The following IQANK1 variants were observed in gnomAD, a reference collection of about 807,000 sequenced individuals.
The protein encoded by IQANK1 is IQ motif and ankyrin repeat containing 1.
In IQANK1, 30 loss-of-function variants were observed where a neutral mutation model predicts 22.6. The observed-to-expected ratio is 1.33, with a 90% CI of 0.99 to 1.80. The LOEUF (loss-of-function observed/expected upper bound fraction) is 1.80. IQANK1 is among the 40% of genes most tolerant of loss of function. IQANK1 has a pLI of 0.00. For missense variants in IQANK1, 275 were observed against 235.2 expected (o/e 1.17, Z -1.11); for synonymous variants, 122 against 99.6 (o/e 1.23, Z -1.34).
chr8:143,790,140 G>A lies in IQANK1; in HGVS notation c.1293G>A (p.Trp431Ter). 3 of 1,232,054 alleles carry A rather than the reference G, an allele frequency of 2.4e-6. No individual in the cohort carries two copies. The highest frequency in any genetic ancestry group is 2.0e-6 in the Non-Finnish European group (2 of 987,968). The allele number at this position is 1,232,054 out of a possible 1,614,324, so 76.3% of individuals were successfully genotyped here. Residue 431 changes from tryptophan (W) to a stop codon, truncating the protein, a stop_gained, in exon 13 of 14, where the codon TGG becomes TGA. Coordinates refer to ENST00000527139, the MANE Select transcript of IQANK1 (RefSeq NM_001381874.1). LOFTEE classifies it high-confidence loss of function. ...VGNRIRADGR[W>*]PLVIDPLGQA... ...GTGACCTGATGGGTGTCCCCAGGTG[G>A]CCTCTTGTTATTGACCCTTTGGGCC... is the stretch of plus-strand genomic sequence containing the variant.
At chr8:143,760,146 C>A (rs1819368388) in intron 3 of IQANK1, among the ~76,000 whole-genome samples, 1 of 152,200 alleles carries the variant, frequency 6.6e-6, no homozygotes, top group African/African-American at 2.4e-5. Context: ...GTCTGGAGCA[C>A]CCCACTGAAG....
At chr8:143,781,901 T>C (rs1478517548) in intron 7 of IQANK1, among the ~76,000 whole-genome samples, 1 of 152,228 alleles carries the variant, frequency 6.6e-6, no homozygotes, top group African/African-American at 2.4e-5. Flanking sequence ...TGTAAATTGC[T>C]TTGGGCAATA....
rs1440676527 is a variant in IQANK1 at position 143,735,009 on chromosome 8, C to T, written c.-5+790C>T. 6.6e-6 allele frequency among the ~76,000 whole-genome samples: 1 copy of T among 152,208 alleles called. No homozygotes were observed. The highest frequency in any genetic ancestry group is 1.5e-5 in the Non-Finnish European group (1 of 68,044). On this transcript the variant is annotated intron_variant, in intron 1 of 13. Coordinates refer to ENST00000527139, the MANE Select transcript of IQANK1 (RefSeq NM_001381874.1). The surrounding 1 kb of genome is among the most constrained non-coding windows in gnomAD (Gnocchi z 5.2). ...GCCACTCCCACCCCAAGGACTGGCCCTGCCTCAACCCTTTCTGATGGTCAT... is the reference window on the plus strand; with the variant it reads ...GCCACTCCCACCCCAAGGACTGGCCTTGCCTCAACCCTTTCTGATGGTCAT...
intron 7 of IQANK1, among the ~76,000 whole-genome samples, chr8:143,781,200 C>T (rs1488564273): frequency 6.6e-6 from 1 of 151,964 alleles, no homozygotes. Flanking sequence ...TGTATAAGAT[C>T]CTTATAAATG....
At chr8:143,737,838 G>A (rs994595720) in intron 2 of IQANK1, among the ~76,000 whole-genome samples, 7 of 152,204 alleles carry the variant, frequency 4.6e-5, no homozygotes, top group Admixed American at 6.5e-5. Flanking sequence ...TGGACCTGCC[G>A]CCACCGGTCC....
chr8:143,785,550 C>G (rs1554631264), intron 7 of IQANK1, among the ~76,000 whole-genome samples: 2 of 150,832 alleles, frequency 1.3e-5, no homozygotes, highest in Non-Finnish European at 1.5e-5. Flanking sequence ...GCTACCAGAC[C>G]CAGCCTTTTT....
intron 2 of IQANK1, among the ~76,000 whole-genome samples, chr8:143,737,037 G>A (rs1554625772): frequency 6.6e-6 from 1 of 152,136 alleles, no homozygotes; most frequent in Non-Finnish European, 1.5e-5. Context: ...GAGCAGGTGG[G>A]ATGATGGTGA....
intron 3 of IQANK1, among the ~76,000 whole-genome samples, chr8:143,749,583 T>TATATA (rs55947728): frequency 1.2e-4 from 10 of 86,486 alleles, no homozygotes; most frequent in East Asian, 5.4e-4. Context: ...TATATATATA[T>TATATA]TTTATTTATT....
chr8:143,784,179 T>G (rs1255203516), intron 7 of IQANK1, among the ~76,000 whole-genome samples: 2 of 152,178 alleles, frequency 1.3e-5, no homozygotes, highest in Non-Finnish European at 2.9e-5. Context: ...TTTGGATCTA[T>G]GTCCCCACCC....
chr8:143,743,214 G>A, intron 3 of IQANK1: 1 of 361,474 alleles, frequency 2.8e-6, no homozygotes. Flanking sequence ...TTTTGGTTTG[G>A]GTTTTTGTTT....
intron 7 of IQANK1, among the ~76,000 whole-genome samples, chr8:143,782,549 T>C (rs1469699806): frequency 6.6e-6 from 1 of 152,158 alleles, no homozygotes; most frequent in Non-Finnish European, 1.5e-5. Flanking sequence ...GGCACAATCT[T>C]GGCTCACTGC....
chr8:143,767,727 T>C (rs1819503052), intron 3 of IQANK1, among the ~76,000 whole-genome samples: 1 of 151,712 alleles, frequency 6.6e-6, no homozygotes, highest in Non-Finnish European at 1.5e-5. Flanking sequence ...CTTGACACTT[T>C]TGAAGAATGA....
intron 10 of IQANK1, 74 bp downstream of exon 10, chr8:143,789,602 T>G: frequency 8.1e-7 from 1 of 1,227,468 alleles, no homozygotes; most frequent in South Asian, 4.1e-5. Context: ...AGCCCAGAGC[T>G]CCCCGCTCCC....
intron 3 of IQANK1, among the ~76,000 whole-genome samples, chr8:143,762,326 A>G (rs199581955): frequency 1.5e-4 from 22 of 149,216 alleles, no homozygotes; most frequent in South Asian, 1.3e-3. Flanking sequence ...GGAAGGAAGG[A>G]AGGGAGGGAG....
chr8:143,767,095 C>T (rs1361395798), intron 3 of IQANK1, among the ~76,000 whole-genome samples: 2 of 152,250 alleles, frequency 1.3e-5, no homozygotes, highest in African/African-American at 4.8e-5. Flanking sequence ...AGTCCTCTCA[C>T]CGAATTCTTC....
intron 3 of IQANK1, among the ~76,000 whole-genome samples, chr8:143,740,754 G>A (rs782211647): frequency 6.6e-6 from 1 of 152,178 alleles, no homozygotes. Context: ...GCCCGGCACC[G>A]CCCATCGCCT....
intron 3 of IQANK1, among the ~76,000 whole-genome samples, chr8:143,740,897 G>A (rs775660612): frequency 1.3e-5 from 2 of 152,392 alleles, no homozygotes; most frequent in East Asian, 1.9e-4. Context: ...GGAAGGCCCC[G>A]TGGTATGTCA....
At chr8:143,751,678 A>ATATATATATATATATATATATAT (rs1554628061) in intron 3 of IQANK1, among the ~76,000 whole-genome samples, 14 of 139,102 alleles carry the variant, frequency 1.0e-4, no homozygotes, top group East Asian at 4.0e-4. Flanking sequence ...ATATATATAT[A>ATATATATATATATATATATATAT]AAATCCTATA....
In IQANK1 at chr8:143,739,489, G is replaced by C. The variant is rs529770842; in HGVS notation, c.86-370G>C. Reference sequence around the variant, plus strand: ...CAGAGACCGGAAAGGGCCTGGGGGAGGGACGTGGCACAAGGTGGGGGACAG... The same window carrying C: ...CAGAGACCGGAAAGGGCCTGGGGGACGGACGTGGCACAAGGTGGGGGACAG... On this transcript the variant is annotated intron_variant, in intron 2 of 13. Coordinates refer to ENST00000527139, the MANE Select transcript of IQANK1 (RefSeq NM_001381874.1). 1.7e-3 allele frequency: 350 copies of C among 210,748 alleles called. 1 individual carries two copies. Among genetic ancestry groups the C allele is most frequent in the Middle Eastern group, 4.9e-3 (3 of 610 alleles). 13.1% of individuals were successfully genotyped at this position (210,748 alleles called of 1,614,324 possible). A position where few individuals can be genotyped will look rare whatever the true frequency, so the allele number is the denominator to read the frequency against.
Sources: gnomAD v4.1 joint callset for allele counts (sites outside exome capture counted in the v4.1 genomes callset) on GRCh38, gnomAD v4.1.1 for gene constraint, Gnocchi (gnomAD v3.1) non-coding constraint, MANE v1.5 for transcripts, NCBI Gene and HGNC (gene_info 2026-07-23, HGNC 2026-07-21) for gene names.